MYO9A: variants seen among roughly 807,000 people sequenced by gnomAD.
The protein encoded by MYO9A is myosin IXA, also known as unconventional myosin-IXa.
Under a neutral mutation model 293.3 loss-of-function variants are expected in MYO9A, and 103 were observed. The observed-to-expected ratio is 0.35, with a 90% CI of 0.30 to 0.41. The LOEUF is 0.41. Among genes scored for constraint, MYO9A ranks in the 10% least tolerant of loss-of-function variants. The pLI is 1.00. For synonymous variants in MYO9A, 1,001 were observed against 1,035.7 expected, an observed-to-expected ratio of 0.97 and a Z score of 0.64; for missense variants, 2,685 against 3,033.0, an observed-to-expected ratio of 0.89 and a Z score of 2.69.
chr15:72,117,863 G>A lies in MYO9A; in HGVS notation c.-255C>T, dbSNP rs556097599. 7.3e-5 allele frequency: 29 copies of A among 398,466 alleles called. No homozygotes were observed. In the Middle Eastern group the frequency reaches 2.5e-3, roughly 35 times the overall value. 24.7% of individuals were successfully genotyped at this position (398,466 alleles called of 1,614,324 possible). ...GGCGAGCGGCCGCGGCGCATCCCCC[G>A]CCCTGTCAGAGAGACTCCGCCCGGC... On this transcript the variant is annotated 5_prime_UTR_variant, in exon 1 of 42. Coordinates refer to ENST00000356056, the MANE Select transcript of MYO9A (RefSeq NM_006901.4).
chr15:71,868,248 C>T (rs2056401418), intron 32 of MYO9A, among the ~76,000 whole-genome samples: 1 of 152,196 alleles, frequency 6.6e-6, no homozygotes, highest in African/African-American at 2.4e-5. Context: ...GGTAGTTGTT[C>T]TCAGCCTCTA....
intron 1 of MYO9A, among the ~76,000 whole-genome samples, chr15:72,115,655 G>A (rs2080944486): frequency 6.6e-6 from 1 of 152,136 alleles, no homozygotes; most frequent in African/African-American, 2.4e-5. Flanking sequence ...TTTTTAAAAT[G>A]CAAATCTGAT....
intron 19 of MYO9A, among the ~76,000 whole-genome samples, chr15:71,907,082 A>C (rs1268482839): frequency 1.0e-4 from 14 of 137,332 alleles, no homozygotes; most frequent in Non-Finnish European, 1.6e-4. Context: ...TCCCAATGCT[A>C]TCCCTCCCCC....
At chr15:71,883,802 C>G (rs2056945137) in intron 27 of MYO9A, 66 bp from the exon 28 acceptor site, 4 of 1,381,024 alleles carry the variant, frequency 2.9e-6, no homozygotes, top group Non-Finnish European at 3.9e-6. Flanking sequence ...TTGTATATAT[C>G]ACTTTAAGCT....
chr15:71,973,822 A>C (rs2076072402), intron 12 of MYO9A, among the ~76,000 whole-genome samples: 2 of 152,258 alleles, frequency 1.3e-5, no homozygotes, highest in Non-Finnish European at 2.9e-5. Flanking sequence ...GTACTACAGC[A>C]GTGCTGAGAA....
At chr15:72,030,685 G>T (rs2077835354) in intron 3 of MYO9A, among the ~76,000 whole-genome samples, 1 of 151,882 alleles carries the variant, frequency 6.6e-6, no homozygotes, top group African/African-American at 2.4e-5. Context: ...CACCACACCT[G>T]GCTAATTTTT....
intron 39 of MYO9A, among the ~76,000 whole-genome samples, chr15:71,838,666 C>G (rs1374564207): frequency 6.6e-6 from 1 of 152,028 alleles, no homozygotes; most frequent in East Asian, 1.9e-4. Context: ...TATACAATAC[C>G]CAGATTTCCA....
chr15:71,893,755 C>T lies in MYO9A; in HGVS notation c.5066G>A (p.Ser1689Asn). 1 of 1,613,758 alleles carries T rather than the reference C, an allele frequency of 6.2e-7. No homozygotes were observed. The highest frequency in any genetic ancestry group is 1.1e-5 in the South Asian group (1 of 91,068). ...TTCTTTATGGAGTTGAGGATTTTTACTGTTTAAGGCTTCTTTGCTGACACT... is the reference window on the plus strand; with the variant it reads ...TTCTTTATGGAGTTGAGGATTTTTATTGTTTAAGGCTTCTTTGCTGACACT... ...IPLVSKEALN[S>N]KNPQLHKEDE... The change falls in exon 26 of 42, where the codon AGT (serine) becomes AAT (asparagine). Residue 1689 changes from serine (S) to asparagine (N), a missense_variant. Physicochemically the swap from Ser to Asn is conservative, Grantham distance 46. Transcript: ENST00000356056.
At chr15:71,904,128 A>G (rs1254732168) in intron 20 of MYO9A, 89 bp from the exon 21 acceptor site, 1 of 1,022,776 alleles carries the variant, frequency 9.8e-7, no homozygotes, top group Non-Finnish European at 1.5e-6. Context: ...TTGAGTATCT[A>G]GAGATTGACT....
At chr15:71,850,236 C>G in intron 37 of MYO9A, 69 bp from the exon 38 acceptor site, 1 of 1,556,916 alleles carries the variant, frequency 6.4e-7, no homozygotes. Context: ...GGGAAATAGG[C>G]AGAAGAGATG....
At chr15:71,854,954 T>C (rs1436252852) in intron 34 of MYO9A, among the ~76,000 whole-genome samples, 15 of 152,220 alleles carry the variant, frequency 9.9e-5, no homozygotes, top group Non-Finnish European at 2.2e-4. Flanking sequence ...ATTAGAGTTG[T>C]CAGCAAGTTC....
intron 13 of MYO9A, among the ~76,000 whole-genome samples, chr15:71,963,657 G>A (rs2075801515): frequency 6.6e-6 from 1 of 151,486 alleles, no homozygotes; most frequent in Admixed American, 6.6e-5. Context: ...TCTTCATGTT[G>A]ATCAAGCTGG....
chr15:71,870,545 G>C (rs1412876749), intron 32 of MYO9A, among the ~76,000 whole-genome samples: 1 of 152,156 alleles, frequency 6.6e-6, no homozygotes, highest in Admixed American at 6.5e-5. Flanking sequence ...TAAAAAGAGA[G>C]ACTAAAAATT....
At chr15:72,014,127 A>C (rs2077253642) in intron 6 of MYO9A, among the ~76,000 whole-genome samples, 1 of 152,170 alleles carries the variant, frequency 6.6e-6, no homozygotes, top group Non-Finnish European at 1.5e-5. Context: ...TGATCCTTAT[A>C]AAACCTCTGG....
intron 19 of MYO9A, among the ~76,000 whole-genome samples, chr15:71,908,753 A>C (rs2057747622): frequency 6.6e-6 from 1 of 152,164 alleles, no homozygotes; most frequent in Non-Finnish European, 1.5e-5. Context: ...ATGAACCAAT[A>C]CTGACATGAT....
chr15:72,070,081 A>C (rs1030262512), intron 1 of MYO9A, among the ~76,000 whole-genome samples: 1 of 147,944 alleles, frequency 6.8e-6, no homozygotes, highest in South Asian at 2.2e-4. Context: ...GTGAGCCGAG[A>C]TATCTCCACT....
intron 11 of MYO9A, among the ~76,000 whole-genome samples, chr15:71,982,574 T>C (rs996429670): frequency 7.9e-5 from 12 of 152,218 alleles, no homozygotes; most frequent in Non-Finnish European, 4.4e-5. Context: ...AAATCTTCTA[T>C]ATCCTTAATT....
chr15:72,002,693 T>C (rs1410021464), intron 8 of MYO9A, among the ~76,000 whole-genome samples: 1 of 152,116 alleles, frequency 6.6e-6, no homozygotes, highest in East Asian at 1.9e-4. Flanking sequence ...CATCTATCTA[T>C]ACTGAAAATA....
intron 1 of MYO9A, among the ~76,000 whole-genome samples, chr15:72,085,014 T>C (rs999552170): frequency 6.6e-6 from 1 of 152,362 alleles, no homozygotes; most frequent in East Asian, 1.9e-4. Context: ...CTTTTATCCA[T>C]ATTCCTGCCT....
Sources: gnomAD v4.1 joint callset for allele counts (sites outside exome capture counted in the v4.1 genomes callset) on GRCh38, gnomAD v4.1.1 for gene constraint, MANE v1.5 for transcripts, NCBI Gene and HGNC (gene_info 2026-07-23, HGNC 2026-07-21) for gene names.